ANKUB1: variants seen among roughly 807,000 people sequenced by gnomAD.
The protein encoded by ANKUB1 is protein ANKUB1.
Under a neutral mutation model 49.3 loss-of-function variants are expected in ANKUB1, and 42 were observed. The ratio of observed to expected loss-of-function variants is 0.85; its 90% CI spans 0.67 to 1.10. The LOEUF is 1.10. Ranked by LOEUF, ANKUB1 falls within the 50% of genes least tolerant of loss-of-function variation. ANKUB1 has a pLI of 0.00. For synonymous variants in ANKUB1, 222 were observed against 231.0 expected (o/e 0.96, Z 0.35); for missense variants, 613 against 642.0 (o/e 0.95, Z 0.49).
chr3:149,769,767 C>T (rs1411853125), intron 4 of ANKUB1, among the ~76,000 whole-genome samples: 1 of 152,146 alleles, frequency 6.6e-6, no homozygotes, highest in South Asian at 2.1e-4. Flanking sequence ...CACTTTTACA[C>T]CATTGTAAGT....
intron 2 of ANKUB1, chr3:149,783,519 G>A (rs983973193): frequency 6.6e-6 from 1 of 152,128 alleles, no homozygotes; most frequent in Non-Finnish European, 1.5e-5. Flanking sequence ...AAAAACAAAT[G>A]CAAACTTACT....
At chr3:149,788,498 C>T (rs756816837) in intron 2 of ANKUB1, among the ~76,000 whole-genome samples, 59 of 151,810 alleles carry the variant, frequency 3.9e-4, no homozygotes, top group Admixed American at 1.3e-4. Context: ...CCACCACACC[C>T]GGAAAATTTT....
Position 149,761,156 on chromosome 3 carries a change from GA to G in ANKUB1, c.*327del, listed in dbSNP as rs34971698. On this transcript the variant is annotated 3_prime_UTR_variant, in exon 6 of 6. Transcript: ENST00000446160. The stretch of plus-strand genomic sequence containing the variant: ...AAAAAACCAAAACACATTTTTTTAG[GA>G]AAAAAAAAGAAAAACAAACAAAGGA... 13 of 158,984 alleles carry G rather than the reference GA, an allele frequency of 8.2e-5. No homozygotes were observed. Among genetic ancestry groups the G allele is most frequent in the East Asian group, 3.5e-4 (2 of 5,760 alleles). The allele number at this position is 158,984 out of a possible 1,614,324, so 9.8% of individuals were successfully genotyped here.
At chr3:149,777,523 A>G (rs1402329854) in intron 3 of ANKUB1, among the ~76,000 whole-genome samples, 28 of 152,158 alleles carry the variant, frequency 1.8e-4, no homozygotes, top group Non-Finnish European at 7.3e-5. Flanking sequence ...CTGTTCCAGA[A>G]GGTGCATGGC....
chr3:149,766,623 G>A lies in ANKUB1; in HGVS notation c.1505+534C>T, dbSNP rs1032055613. The A allele has an allele frequency of 7.0e-5, 33 of 471,356 alleles. 3 individuals are homozygous for A. The highest frequency in any genetic ancestry group is 6.4e-4 in the Admixed American group (20 of 31,232). 29.2% of individuals were successfully genotyped at this position (471,356 alleles called of 1,614,324 possible). ...GAGACCAACCTGGGCAACATGGTGA[G>A]TCCTCATCTCTACAGAAAAAAAAAA... On this transcript the variant is annotated intron_variant, in intron 5 of 5. Transcript: ENST00000446160.
rs766644191 is a variant in ANKUB1, at chr3:149,780,347, G to A, written c.343C>T (p.Leu115=). The change falls in exon 3 of 6, where the codon CTG becomes TTG. Residue 115 remains leucine, a synonymous_variant. Coordinates refer to ENST00000446160, the MANE Select transcript of ANKUB1 (RefSeq NM_001144960.3). ...GGGAGGCCACATCTCAGAGTTACCA[G>A]TGTTCTCAGATCAGACACTGTTTTA... ...LDKTVSDLRT[L]VTLRCGLPVS... The A allele has an allele frequency of 1.0e-5, 16 of 1,551,998 alleles. No individual in the cohort carries two copies. Among genetic ancestry groups the A allele is most frequent in the Admixed American group, 2.0e-5 (1 of 51,004 alleles).
At chr3:149,776,173 T>C (rs536188644) in intron 3 of ANKUB1, among the ~76,000 whole-genome samples, 14 of 152,328 alleles carry the variant, frequency 9.2e-5, no homozygotes, top group African/African-American at 3.4e-4. Flanking sequence ...AAAGCTTTTT[T>C]ATCTCAGAAT....
chr3:149,779,940 A>T (rs1717782185), intron 3 of ANKUB1: 4 of 355,216 alleles, frequency 1.1e-5, no homozygotes, highest in Non-Finnish European at 2.1e-5. Flanking sequence ...ATTTGTTCAG[A>T]TTTAATTTGG....
In ANKUB1 at chr3:149,790,909, G is replaced by A; in HGVS notation, c.106C>T (p.Pro36Ser). The change falls in exon 2 of 6, where the codon CCT becomes TCT. Residue 36 changes from proline to serine, a missense_variant. By Grantham distance (74) the Pro-to-Ser change is moderately conservative (BLOSUM62 -1). Coordinates refer to ENST00000446160, the MANE Select transcript of ANKUB1 (RefSeq NM_001144960.3). ...CTGCCTTGTTTGTCTTCAGAGAGAG[G>A]AATGTGGAAATAATCCTTAAAAATC... is the stretch of plus-strand genomic sequence containing the variant. ...KLMIKDYFHIPLSEDKQGRRY... is the reference protein window; with the variant it reads ...KLMIKDYFHISLSEDKQGRRY... 1.3e-6 allele frequency: 2 copies of A among 1,551,524 alleles called. No individual in the cohort carries two copies. The highest frequency in any genetic ancestry group is 1.7e-6 in the Non-Finnish European group (2 of 1,146,890).
intron 2 of ANKUB1, among the ~76,000 whole-genome samples, chr3:149,782,014 A>G (rs1717891665): frequency 6.6e-6 from 1 of 152,222 alleles, no homozygotes; most frequent in Non-Finnish European, 1.5e-5. Flanking sequence ...TAAGGGAAGT[A>G]TCTGTTCAAG....
At position 149,780,345 on chromosome 3, in the gene ANKUB1, C is replaced by A. The variant is rs77152758; in HGVS notation, c.345G>T (p.Leu115=). Residue 115 remains leucine (L), a synonymous_variant, in exon 3 of 6, where the codon CTG becomes CTT. Coordinates refer to ENST00000446160, the MANE Select transcript of ANKUB1 (RefSeq NM_001144960.3). ...CGGGGAGGCCACATCTCAGAGTTAC[C>A]AGTGTTCTCAGATCAGACACTGTTT... ...LDKTVSDLRT[L]VTLRCGLPVS... 19,010 of 1,551,938 alleles carry A rather than the reference C, an allele frequency of 0.012. 144 individuals carry two copies. Among genetic ancestry groups the A allele is most frequent in the Middle Eastern group, 0.019 (113 of 5,994 alleles).
chr3:149,787,520 G>A (rs1718161894), intron 2 of ANKUB1, among the ~76,000 whole-genome samples: 1 of 151,982 alleles, frequency 6.6e-6, no homozygotes, highest in Admixed American at 6.6e-5. Flanking sequence ...TGCAAACAGG[G>A]ACAATTTGAC....
At chr3:149,776,387 C>A (rs1184136920) in intron 3 of ANKUB1, among the ~76,000 whole-genome samples, 2 of 152,142 alleles carry the variant, frequency 1.3e-5, no homozygotes, top group African/African-American at 4.8e-5. Context: ...GAGGAATGTA[C>A]CCCTCATAGG....
intron 3 of ANKUB1, among the ~76,000 whole-genome samples, chr3:149,771,229 T>G (rs539445290): frequency 6.6e-6 from 1 of 152,336 alleles, no homozygotes; most frequent in African/African-American, 2.4e-5. Context: ...GATACCACAT[T>G]CCTTTTATCC....
chr3:149,769,972 A>C (rs1338374880), intron 4 of ANKUB1, among the ~76,000 whole-genome samples: 13 of 152,162 alleles, frequency 8.5e-5, no homozygotes, highest in Non-Finnish European at 1.8e-4. Context: ...CCTCTGCCAC[A>C]CCTGAGACAG....
chr3:149,780,112 T>C (rs775771836), intron 3 of ANKUB1, 127 bp downstream of exon 3: 67 of 758,520 alleles, frequency 8.8e-5, no homozygotes, highest in Non-Finnish European at 1.3e-4. Flanking sequence ...AAAGTGAATA[T>C]GTAAATAAAG....
At chr3:149,790,144 T>C (rs1159416610) in intron 2 of ANKUB1, among the ~76,000 whole-genome samples, 1 of 152,136 alleles carries the variant, frequency 6.6e-6, no homozygotes, top group African/African-American at 2.4e-5. Flanking sequence ...GATCACCCGT[T>C]CCTTAAAAAA....
chr3:149,767,072 ATAG>A, intron 5 of ANKUB1, 82 bp downstream of exon 5: 1 of 1,279,578 alleles, frequency 7.8e-7, no homozygotes, highest in East Asian at 2.5e-5. Flanking sequence ...TTTCAGTGGC[ATAG>A]TAGGGCATTA....
At chr3:149,773,092 G>C (rs367877754) in intron 3 of ANKUB1, among the ~76,000 whole-genome samples, 2 of 152,172 alleles carry the variant, frequency 1.3e-5, no homozygotes, top group Non-Finnish European at 2.9e-5. Context: ...TGTGTCTTTA[G>C]GATTCTTTCT....
Sources: gnomAD v4.1 joint callset for allele counts (sites outside exome capture counted in the v4.1 genomes callset) on GRCh38, gnomAD v4.1.1 for gene constraint, MANE v1.5 for transcripts, NCBI Gene and HGNC (gene_info 2026-07-23, HGNC 2026-07-21) for gene names.